RBFOX1: variants seen among roughly 807,000 people sequenced by gnomAD.
RBFOX1 encodes the protein RNA binding fox-1 homolog 1, also known as RNA binding protein fox-1 homolog 1.
Under a neutral mutation model 57.7 loss-of-function variants are expected in RBFOX1, and 8 were observed. The ratio of observed to expected loss-of-function variants is 0.14; its 90% CI spans 0.08 to 0.25. The LOEUF (loss-of-function observed/expected upper bound fraction) is 0.25, where lower values mean the gene tolerates loss of function less well. Ranked by LOEUF, RBFOX1 falls within the 10% of genes least tolerant of loss-of-function variation. RBFOX1 has a pLI of 1.00. For synonymous variants in RBFOX1, 326 were observed against 222.4 expected, an observed-to-expected ratio of 1.47 and a Z score of -4.15; for missense variants, 611 against 548.5, an observed-to-expected ratio of 1.11 and a Z score of -1.14.
At chr16:6,736,815 T>C (rs1477694509) in intron 3 of RBFOX1, among the ~76,000 whole-genome samples, 1 of 152,186 alleles carries the variant, frequency 6.6e-6, no homozygotes, top group Non-Finnish European at 1.5e-5. Flanking sequence ...GCTGTATTCA[T>C]ACATCTGAAT....
intron 1 of RBFOX1, among the ~76,000 whole-genome samples, chr16:5,326,037 TAA>T (rs1273415882): frequency 2.0e-4 from 31 of 152,238 alleles, no homozygotes; most frequent in Admixed American, 2.0e-3. Context: ...CATACTTATA[TAA>T]GAGTTTGGCA....
chr16:6,972,433 G>C (rs990777047), intron 3 of RBFOX1, among the ~76,000 whole-genome samples: 1 of 151,994 alleles, frequency 6.6e-6, no homozygotes, highest in African/African-American at 2.4e-5. Context: ...GTTTTTCAAG[G>C]CTAAGTAATA....
At chr16:6,323,903 G>A (rs1032576041) in intron 2 of RBFOX1, among the ~76,000 whole-genome samples, 10 of 152,016 alleles carry the variant, frequency 6.6e-5, no homozygotes, top group African/African-American at 2.4e-4. Context: ...CTCTCAAGTA[G>A]CTGGTATTAT....
intron 2 of RBFOX1, among the ~76,000 whole-genome samples, chr16:6,627,880 A>G (rs2154054311): frequency 6.6e-6 from 1 of 152,312 alleles, no homozygotes; most frequent in South Asian, 2.1e-4. Context: ...AAGCATTTAG[A>G]CATCTTATAA....
intron 3 of RBFOX1, among the ~76,000 whole-genome samples, chr16:6,901,129 T>A (rs7184637): frequency 0.28 from 42,972 of 151,974 alleles, 7,506 homozygotes; most frequent in African/African-American, 0.5. Context: ...AGGCTTTGTG[T>A]TTCCTGTTAG....
chr16:7,253,001 T>C (rs752667051), intron 4 of RBFOX1, among the ~76,000 whole-genome samples: 5 of 152,190 alleles, frequency 3.3e-5, no homozygotes, highest in South Asian at 4.1e-4. Flanking sequence ...ATCTTGAGCC[T>C]CTGATAATAA....
chr16:5,738,530 A>G (rs1225662170), intron 3 of RBFOX1, among the ~76,000 whole-genome samples: 1 of 149,854 alleles, frequency 6.7e-6, no homozygotes, highest in Non-Finnish European at 1.5e-5. Context: ...GCTACTCAGG[A>G]GGCTGAGACA....
At chr16:7,203,756 C>G (rs1052702251) in intron 4 of RBFOX1, among the ~76,000 whole-genome samples, 5 of 152,250 alleles carry the variant, frequency 3.3e-5, no homozygotes, top group Middle Eastern at 3.4e-3. Context: ...GTTAGTGACT[C>G]TTTCTCGAAA....
chr16:6,386,405 T>G (rs1280053848), intron 2 of RBFOX1, among the ~76,000 whole-genome samples: 1 of 152,208 alleles, frequency 6.6e-6, no homozygotes, highest in Admixed American at 6.5e-5. Flanking sequence ...CATCCACTTC[T>G]TGCTGTGTAT....
chr16:5,943,374 T>A (rs2084543875), intron 4 of RBFOX1, among the ~76,000 whole-genome samples: 1 of 152,186 alleles, frequency 6.6e-6, no homozygotes, highest in Non-Finnish European at 1.5e-5. Flanking sequence ...TACCAAGCCT[T>A]GTAGGGTTTC....
At chr16:6,291,519 G>A (rs1252080662) in intron 1 of RBFOX1, among the ~76,000 whole-genome samples, 1 of 152,170 alleles carries the variant, frequency 6.6e-6, no homozygotes, top group African/African-American at 2.4e-5. Flanking sequence ...GTCAAGCTGG[G>A]AACTGGTTCA....
chr16:5,361,720 C>T (rs1367724922), intron 1 of RBFOX1, among the ~76,000 whole-genome samples: 2 of 152,206 alleles, frequency 1.3e-5, no homozygotes, highest in Non-Finnish European at 2.9e-5. Flanking sequence ...CAGGTACCTG[C>T]AAGGCTCCTC....
intron 5 of RBFOX1, among the ~76,000 whole-genome samples, chr16:7,549,664 G>A (rs572371069): frequency 3.9e-5 from 6 of 152,262 alleles, no homozygotes; most frequent in African/African-American, 1.4e-4. Flanking sequence ...CAGGAAGCAT[G>A]CAGCATGGGA....
chr16:7,152,476 T>G (rs2076287927), intron 4 of RBFOX1, among the ~76,000 whole-genome samples: 1 of 152,214 alleles, frequency 6.6e-6, no homozygotes, highest in South Asian at 2.1e-4. Context: ...TTAAAGATTT[T>G]ATTTCAACTA....
intron 3 of RBFOX1, among the ~76,000 whole-genome samples, chr16:5,771,564 A>G (rs1409876339): frequency 6.6e-6 from 1 of 152,120 alleles, no homozygotes; most frequent in African/African-American, 2.4e-5. Context: ...ATACGCCACC[A>G]TGCCTGGCTA....
chr16:5,812,510 G>A lies in RBFOX1; in HGVS notation c.319-54793G>A, dbSNP rs147408948. The stretch of plus-strand genomic sequence containing the variant: ...GTCTCACTCTATCACTCAGGCGGGA[G>A]TGCAGTGGTGCAGTCGTAGCTCACT... On this transcript the variant is annotated intron_variant, in intron 3 of 19. Transcript: ENST00000641259. Among the ~76,000 whole-genome samples the A allele has an allele frequency of 2.1e-4, 32 of 148,992 alleles. No homozygotes were observed. The East Asian group carries it at 6.2e-3, about 29-fold the overall frequency.
intron 3 of RBFOX1, among the ~76,000 whole-genome samples, chr16:6,984,823 C>T (rs1305677185): frequency 6.6e-6 from 1 of 151,834 alleles, no homozygotes; most frequent in Non-Finnish European, 1.5e-5. Context: ...GTATTTTTAG[C>T]AGAGATGGGG....
At chr16:7,133,415 C>A (rs1330696474) in intron 4 of RBFOX1, among the ~76,000 whole-genome samples, 1 of 152,020 alleles carries the variant, frequency 6.6e-6, no homozygotes, top group Non-Finnish European at 1.5e-5. Context: ...TCATGTTTTT[C>A]CAAAGAGAAG....
At chr16:6,056,417 CCTTT>C (rs2095615394) in intron 1 of RBFOX1, among the ~76,000 whole-genome samples, 1 of 152,152 alleles carries the variant, frequency 6.6e-6, no homozygotes, top group Non-Finnish European at 1.5e-5. Flanking sequence ...CTGTCTCCTC[CCTTT>C]CTTCCCCTAC....
Sources: gnomAD v4.1 joint callset for allele counts (sites outside exome capture counted in the v4.1 genomes callset) on GRCh38, gnomAD v4.1.1 for gene constraint, MANE v1.5 for transcripts, NCBI Gene and HGNC (gene_info 2026-07-23, HGNC 2026-07-21) for gene names.